The following LOXHD1 variants were observed in gnomAD, a reference collection of about 807,000 sequenced individuals.
LOXHD1 encodes lipoxygenase homology domain-containing protein 1.
Under a neutral mutation model 248.2 loss-of-function variants are expected in LOXHD1, and 205 were observed. The ratio of observed to expected loss-of-function variants is 0.83; its 90% CI spans 0.74 to 0.93. The LOEUF (loss-of-function observed/expected upper bound fraction) is 0.93. Among genes scored for constraint, LOXHD1 ranks in the 40% least tolerant of loss-of-function variants. The pLI, the probability that LOXHD1 is intolerant of heterozygous loss-of-function variation, is 0.00. For synonymous variants in LOXHD1, 1,113 were observed against 1,162.8 expected, an observed-to-expected ratio of 0.96 and a Z score of 0.87; for missense variants, 2,930 against 2,971.6, an observed-to-expected ratio of 0.99 and a Z score of 0.33.
intron 37 of LOXHD1, among the ~76,000 whole-genome samples, chr18:46,495,679 C>A (rs1288557258): frequency 6.6e-6 from 1 of 152,118 alleles, no homozygotes; most frequent in South Asian, 2.1e-4. Flanking sequence ...TACATATTTT[C>A]CATATATTCC....
chr18:46,638,274 T>C (rs1386845610), intron 4 of LOXHD1, among the ~76,000 whole-genome samples: 1 of 152,270 alleles, frequency 6.6e-6, no homozygotes, highest in African/African-American at 2.4e-5. Context: ...ATCTATTTTC[T>C]AAATTTTCTA....
At chr18:46,650,083 A>G (rs186462199) in intron 1 of LOXHD1, among the ~76,000 whole-genome samples, 15 of 152,232 alleles carry the variant, frequency 9.9e-5, no homozygotes, top group Admixed American at 4.6e-4. Context: ...GGTTGCTGCC[A>G]CCAGCCACCC....
rs1444247313 is a variant in LOXHD1, at chr18:46,593,624, T to G, written c.1407A>C (p.Lys469Asn). ...CCCTAAACTTCTCGATTATGCCGGGTTTGAACCACTTGTTGTTGGGATTCA... is the reference window on the plus strand; with the variant it reads ...CCCTAAACTTCTCGATTATGCCGGGGTTGAACCACTTGTTGTTGGGATTCA... ...ILLNPNNKWF[K>N]PGIIEKFRIE... Residue 469 changes from lysine to asparagine, a missense_variant, in exon 10 of 41, where the codon AAA becomes AAC. Coordinates refer to ENST00000642948, the MANE Select transcript of LOXHD1 (RefSeq NM_001384474.1). 1 of 1,552,358 alleles carries G rather than the reference T, an allele frequency of 6.4e-7. No individual in the cohort carries two copies. Among genetic ancestry groups the G allele is most frequent in the Non-Finnish European group, 8.7e-7 (1 of 1,147,126 alleles).
chr18:46,550,504 C>T (rs1013284605), intron 21 of LOXHD1, among the ~76,000 whole-genome samples: 19 of 137,962 alleles, frequency 1.4e-4, no homozygotes, highest in Non-Finnish European at 2.3e-4. Flanking sequence ...ACCCAGGAAG[C>T]GGAGCTTGCA....
chr18:46,546,290 C>T (rs909497828), intron 22 of LOXHD1, among the ~76,000 whole-genome samples: 3 of 151,632 alleles, frequency 2.0e-5, no homozygotes, highest in Non-Finnish European at 4.4e-5. Flanking sequence ...TTCTACTCCA[C>T]TCTACTCCAT....
chr18:46,637,028 C>G (rs988253632), intron 4 of LOXHD1, among the ~76,000 whole-genome samples: 3 of 152,110 alleles, frequency 2.0e-5, no homozygotes. Flanking sequence ...CACCTGTAGT[C>G]CCAGCTACTC....
intron 5 of LOXHD1, 130 bp from the exon 6 acceptor site, chr18:46,611,054 G>GA: frequency 9.4e-7 from 1 of 1,066,068 alleles, no homozygotes; most frequent in Non-Finnish European, 1.3e-6. Flanking sequence ...GAGATCTAAG[G>GA]GCTCCTTACA....
rs1370134622 is a variant in LOXHD1 at position 46,566,434 on chromosome 18, T to C, written c.2260A>G (p.Ile754Val). 2.6e-6 allele frequency: 4 copies of C among 1,549,880 alleles called. No homozygotes were observed. The East Asian group carries it at 9.8e-5, about 38-fold the overall frequency. ...LNIGNINRLV[I>V]GHDSTGMHAS... ...TGCATGCCAGTGCTGTCATGCCCAATCACCAGCCGGTTGATCTGAAGGAAA... is the reference window on the plus strand; with the variant it reads ...TGCATGCCAGTGCTGTCATGCCCAACCACCAGCCGGTTGATCTGAAGGAAA... The change falls in exon 17 of 41, where the codon ATT becomes GTT. Residue 754 changes from isoleucine to valine, a missense_variant. Coordinates refer to ENST00000642948, the MANE Select transcript of LOXHD1 (RefSeq NM_001384474.1).
intron 26 of LOXHD1, among the ~76,000 whole-genome samples, chr18:46,535,096 G>A (rs910801638): frequency 1.3e-4 from 19 of 151,960 alleles, no homozygotes; most frequent in African/African-American, 4.6e-4. Context: ...TTCATGACAG[G>A]CTCTTGTTGC....
At chr18:46,550,327 A>G (rs1598979701) in intron 21 of LOXHD1, among the ~76,000 whole-genome samples, 2 of 152,050 alleles carry the variant, frequency 1.3e-5, no homozygotes, top group African/African-American at 4.8e-5. Flanking sequence ...TAATCCCAGC[A>G]CTTTGGGAGG....
intron 37 of LOXHD1, among the ~76,000 whole-genome samples, chr18:46,494,531 G>A (rs1222854824): frequency 6.6e-6 from 1 of 152,196 alleles, no homozygotes; most frequent in East Asian, 1.9e-4. Context: ...CCCTAGCTGT[G>A]GATGAATATG....
rs1568111119 is a variant in LOXHD1, at chr18:46,507,596, C to T, written c.5634G>A (p.Glu1878=). ...LVCEMCAVID[E]EEMMEWTSYT... ...AGGAGGTCCACTCCATCATTTCTTC[C>T]TCATCGATAACGGCACACATTTCAC... The change falls in exon 36 of 41, where the codon GAG becomes GAA. Residue 1878 remains glutamate, a synonymous_variant. Transcript: ENST00000642948. The T allele has an allele frequency of 1.3e-6, 2 of 1,551,772 alleles. No homozygotes were observed. The highest frequency in any genetic ancestry group is 1.7e-6 in the Non-Finnish European group (2 of 1,147,006).
chr18:46,572,738 C>T (rs868736415), intron 14 of LOXHD1, among the ~76,000 whole-genome samples: 25 of 152,158 alleles, frequency 1.6e-4, no homozygotes, highest in African/African-American at 6.0e-4. Context: ...TGCTAGGATA[C>T]GTAAGGCCCA....
At chr18:46,530,853 T>C (rs2036035051) in intron 28 of LOXHD1, among the ~76,000 whole-genome samples, 1 of 152,134 alleles carries the variant, frequency 6.6e-6, no homozygotes, top group Non-Finnish European at 1.5e-5. Context: ...CTTCCACCCA[T>C]GCCTTGGATG....
At chr18:46,526,193 C>T (rs1209508559) in intron 29 of LOXHD1, among the ~76,000 whole-genome samples, 1 of 152,184 alleles carries the variant, frequency 6.6e-6, no homozygotes, top group Non-Finnish European at 1.5e-5. Flanking sequence ...GGGGGAAGAC[C>T]TTCACATTGC....
Position 46,546,875 on chromosome 18 carries a change from T to G in LOXHD1, c.3514+20A>C. 2 of 1,541,646 alleles carry G rather than the reference T, an allele frequency of 1.3e-6. No individual in the cohort carries two copies. The highest frequency in any genetic ancestry group is 1.8e-6 in the Non-Finnish European group (2 of 1,138,970). ...AGGGGAGGGGTGCTGGAGAAAGAAA[T>G]CAGCTCTAGTTTAGAAAACCTTTCT... On this transcript the variant is annotated intron_variant, in intron 22 of 40. Transcript: ENST00000642948.
intron 31 of LOXHD1, among the ~76,000 whole-genome samples, chr18:46,523,999 C>T (rs911266214): frequency 2.0e-5 from 3 of 152,188 alleles, no homozygotes; most frequent in African/African-American, 7.2e-5. Context: ...GCAAAAAGAA[C>T]TTGCCAGGGA....
intron 21 of LOXHD1, among the ~76,000 whole-genome samples, chr18:46,553,968 A>G (rs2037213700): frequency 6.6e-6 from 1 of 152,222 alleles, no homozygotes; most frequent in Admixed American, 6.5e-5. Flanking sequence ...AGGGGGAATC[A>G]GAATAGAGAG....
chr18:46,499,508 C>T (rs1568098031), intron 37 of LOXHD1, among the ~76,000 whole-genome samples: 1 of 152,154 alleles, frequency 6.6e-6, no homozygotes, highest in Non-Finnish European at 1.5e-5. Flanking sequence ...AATAGCTAAT[C>T]TTAGACCCTA....
Sources: allele counts gnomAD v4.1 joint callset (sites outside exome capture counted in the v4.1 genomes callset), GRCh38; gene constraint gnomAD v4.1.1; transcripts MANE v1.5; gene names NCBI Gene and HGNC (gene_info 2026-07-23, HGNC 2026-07-21).